MTMR2: variants seen among roughly 807,000 people sequenced by gnomAD.
MTMR2 encodes phosphatidylinositol-3,5-bisphosphate 3-phosphatase MTMR2.
A neutral mutation model predicts 86.9 loss-of-function variants in MTMR2; 55 were observed. The observed-to-expected ratio is 0.63, with a 90% CI of 0.51 to 0.79. The LOEUF is 0.79. MTMR2 is among the 30% of genes least tolerant of loss of function. The pLI is 0.00. For missense variants in MTMR2, 659 were observed against 772.3 expected, an observed-to-expected ratio of 0.85 and a Z score of 1.74; for synonymous variants, 241 against 266.8, an observed-to-expected ratio of 0.90 and a Z score of 0.94.
intron 2 of MTMR2, among the ~76,000 whole-genome samples, chr11:95,868,302 GA>G (rs56130749): frequency 0.3 from 27,917 of 93,164 alleles, 4,850 homozygotes; most frequent in Non-Finnish European, 0.4. Flanking sequence ...AAAAAAAAAA[GA>G]AAGAAAAAGA....
intron 2 of MTMR2, among the ~76,000 whole-genome samples, chr11:95,866,035 T>C (rs1322752295): frequency 6.6e-6 from 1 of 152,214 alleles, no homozygotes; most frequent in Non-Finnish European, 1.5e-5. Context: ...GATCACATAG[T>C]TAAAGTGCCA....
chr11:95,861,402 G>T (rs1205498444), intron 5 of MTMR2, among the ~76,000 whole-genome samples: 1 of 140,978 alleles, frequency 7.1e-6, no homozygotes, highest in Non-Finnish European at 1.5e-5. Context: ...ATTAAAGATG[G>T]TTATTATTAT....
At chr11:95,867,984 A>G (rs1864680782) in intron 2 of MTMR2, among the ~76,000 whole-genome samples, 1 of 152,192 alleles carries the variant, frequency 6.6e-6, no homozygotes, top group African/African-American at 2.4e-5. Context: ...CACAAAGAGA[A>G]GGCCAGGCGC....
At chr11:95,896,117 C>T (rs1002898266) in intron 1 of MTMR2, among the ~76,000 whole-genome samples, 2 of 152,008 alleles carry the variant, frequency 1.3e-5, no homozygotes, top group African/African-American at 2.4e-5. Flanking sequence ...TAGCTAGCCC[C>T]TCTGCAGGGA....
At chr11:95,863,047 T>C (rs890876874) in intron 3 of MTMR2, among the ~76,000 whole-genome samples, 3 of 152,236 alleles carry the variant, frequency 2.0e-5, no homozygotes, top group African/African-American at 7.2e-5. Context: ...AAATATGCAT[T>C]AACTGATTAT....
At position 95,854,593 on chromosome 11, in the gene MTMR2, G is replaced by A. The variant is rs984756499; in HGVS notation, c.654+2959C>T. 8.6e-5 allele frequency among the ~76,000 whole-genome samples: 13 copies of A among 151,968 alleles called. No homozygotes were observed. The East Asian group carries it at 2.1e-3, about 25-fold the overall frequency. The stretch of plus-strand genomic sequence containing the variant: ...CAATCCTCCCACATCCGCCTCCAGA[G>A]TAGCTAGGACTTCAGGCATGCACCA... On this transcript the variant is annotated intron_variant, in intron 7 of 14. Transcript: ENST00000346299.
rs1863200101 is a variant in MTMR2, at chr11:95,835,079, AG to A, written c.*210del. 1.1e-5 allele frequency: 6 copies of A among 567,892 alleles called. No homozygotes were observed. The highest frequency in any genetic ancestry group is 1.6e-5 in the Non-Finnish European group (5 of 317,718). 35.2% of individuals were successfully genotyped at this position (567,892 alleles called of 1,614,324 possible). On this transcript the variant is annotated 3_prime_UTR_variant, in exon 15 of 15. Coordinates refer to ENST00000346299, the MANE Select transcript of MTMR2 (RefSeq NM_016156.6). ...ATATTCTTTGGATACTTAAAAGATT[AG>A]TATCATAATCATGTAATTACATATG... is the stretch of plus-strand genomic sequence containing the variant.
At chr11:95,903,364 A>G (rs1866143550) in intron 1 of MTMR2, among the ~76,000 whole-genome samples, 1 of 152,158 alleles carries the variant, frequency 6.6e-6, no homozygotes, top group Admixed American at 6.5e-5. Context: ...GCCTGTTATT[A>G]CAGTCGTTCC....
chr11:95,851,120 T>A (rs1864005213), intron 7 of MTMR2, among the ~76,000 whole-genome samples: 2 of 141,294 alleles, frequency 1.4e-5, no homozygotes, highest in African/African-American at 5.3e-5. Flanking sequence ...TGGAGTGCAA[T>A]GGTGCGATCT....
At chr11:95,921,492 GAGAC>G in intron 1 of MTMR2, among the ~76,000 whole-genome samples, 1 of 152,330 alleles carries the variant, frequency 6.6e-6, no homozygotes, top group South Asian at 2.1e-4. Flanking sequence ...ACATAGCTAT[GAGAC>G]CAAAGCAGGC....
intron 1 of MTMR2, among the ~76,000 whole-genome samples, chr11:95,901,607 T>C (rs571236368): frequency 1.3e-5 from 2 of 152,294 alleles, no homozygotes; most frequent in East Asian, 1.9e-4. Context: ...GAGAAGCAGA[T>C]ACAGAATTGG....
chr11:95,856,761 T>C (rs1478745635), intron 7 of MTMR2, among the ~76,000 whole-genome samples: 1 of 152,192 alleles, frequency 6.6e-6, no homozygotes, highest in Admixed American at 6.5e-5. Flanking sequence ...AGTTCTACAC[T>C]GAATGCTCCT....
In MTMR2 at chr11:95,835,529, G is replaced by GTGTA. The variant is rs1422288789; in HGVS notation, c.1771-82_1771-79dup. ...GTCAAATCATTCCCTAAATGTTGCA[G>GTGTA]TGTATGTTTTTTCAGCTGTTGGAAC... On this transcript the variant is annotated intron_variant, in intron 14 of 14. Transcript: ENST00000346299. 9 of 1,472,026 alleles carry GTGTA rather than the reference G, an allele frequency of 6.1e-6. No individual in the cohort carries two copies. In the South Asian group the frequency reaches 8.0e-5, roughly 13 times the overall value. The allele number at this position is 1,472,026 out of a possible 1,614,324, so 91.2% of individuals were successfully genotyped here.
intron 3 of MTMR2, 23 bp from the exon 4 acceptor site, chr11:95,862,389 G>A (rs763901911): frequency 6.5e-7 from 1 of 1,531,506 alleles, no homozygotes; most frequent in Non-Finnish European, 9.0e-7. Flanking sequence ...GAAGTCCACA[G>A]TTTACTATAC....
intron 2 of MTMR2, among the ~76,000 whole-genome samples, chr11:95,876,772 T>C (rs1865128167): frequency 6.6e-6 from 1 of 152,154 alleles, no homozygotes; most frequent in Admixed American, 6.6e-5. Context: ...TGCCCAGTAA[T>C]TTTCCATGTG....
At chr11:95,878,395 C>T (rs758161286) in intron 2 of MTMR2, among the ~76,000 whole-genome samples, 29 of 151,606 alleles carry the variant, frequency 1.9e-4, no homozygotes, top group Non-Finnish European at 3.5e-4. Context: ...CGTCAAAACC[C>T]GCAGAATGTA....
At chr11:95,915,906 T>C (rs2135629726) in intron 1 of MTMR2, among the ~76,000 whole-genome samples, 1 of 152,262 alleles carries the variant, frequency 6.6e-6, no homozygotes, top group South Asian at 2.1e-4. Context: ...CTTAATGATC[T>C]TGTCAATATT....
chr11:95,908,152 G>A (rs1191327784), intron 1 of MTMR2, among the ~76,000 whole-genome samples: 2 of 151,510 alleles, frequency 1.3e-5, no homozygotes, highest in Non-Finnish European at 2.9e-5. Context: ...AAAGTTTCAG[G>A]ATACAAAATC....
intron 11 of MTMR2, among the ~76,000 whole-genome samples, chr11:95,844,132 G>T (rs188419121): frequency 3.9e-5 from 6 of 152,228 alleles, no homozygotes; most frequent in African/African-American, 1.4e-4. Context: ...CAAAATGTTT[G>T]ATTTTGAACA....
Sources: gnomAD v4.1 joint callset for allele counts (sites outside exome capture counted in the v4.1 genomes callset) on GRCh38, gnomAD v4.1.1 for gene constraint, MANE v1.5 for transcripts, NCBI Gene and HGNC (gene_info 2026-07-23, HGNC 2026-07-21) for gene names.